JAKMIP3: variants seen among roughly 807,000 people sequenced by gnomAD.
The protein encoded by JAKMIP3 is janus kinase and microtubule-interacting protein 3.
In JAKMIP3, 58 loss-of-function variants were observed where a neutral mutation model predicts 118.5. That is an observed-to-expected ratio of 0.49 (90% confidence interval 0.40 to 0.61). The LOEUF is 0.61. Among genes scored for constraint, JAKMIP3 ranks in the 20% least tolerant of loss-of-function variants. The pLI, the probability that JAKMIP3 is intolerant of heterozygous loss-of-function variation, is 0.00. For synonymous variants in JAKMIP3, 486 were observed against 451.2 expected (o/e 1.08, Z -0.98); for missense variants, 950 against 1,109.0 (o/e 0.86, Z 2.04).
chr10:132,159,492 C>T (rs2057607694), intron 19 of JAKMIP3, among the ~76,000 whole-genome samples: 1 of 132,992 alleles, frequency 7.5e-6, no homozygotes. Context: ...CTGGAGGAGG[C>T]TCTCCCTGTG....
At chr10:132,162,262 G>A (rs916426070) in intron 19 of JAKMIP3, among the ~76,000 whole-genome samples, 1 of 152,196 alleles carries the variant, frequency 6.6e-6, no homozygotes, top group African/African-American at 2.4e-5. Context: ...TGTGGCTGCC[G>A]AAGGCAGGGA....
upstream of JAKMIP3, among the ~76,000 whole-genome samples, chr10:132,065,887 T>C (rs1452836053): frequency 6.6e-6 from 1 of 152,160 alleles, no homozygotes; most frequent in African/African-American, 2.4e-5. This position sits in a 1 kb window ranked among gnomAD's most constrained non-coding sequence, Gnocchi z 5.6. Context: ...TCCCCCTGGA[T>C]GTAGTCACAG....
chr10:132,175,033 A>C (rs557790796), intron 23 of JAKMIP3, among the ~76,000 whole-genome samples: 1 of 152,322 alleles, frequency 6.6e-6, no homozygotes, highest in Non-Finnish European at 1.5e-5. Flanking sequence ...CACCGCTGAA[A>C]AGTATTTCTT....
rs2932949 is a variant in JAKMIP3, at chr10:132,158,930, T to G, written c.2221-4279T>G. Among the ~76,000 whole-genome samples, 4 of 105,600 alleles carry G rather than the reference T, an allele frequency of 3.8e-5. 1 individual carries two copies. Among genetic ancestry groups the G allele is most frequent in the East Asian group, 3.4e-4 (1 of 2,952 alleles). The allele number at this position is 105,600 out of a possible 152,430, so 69.3% of individuals were successfully genotyped here. On this transcript the variant is annotated intron_variant, in intron 19 of 23. Coordinates refer to ENST00000684848, the MANE Select transcript of JAKMIP3 (RefSeq NM_001323087.2). ...GATGCTGTGGGAGGGGCATCTTCCT[T>G]TGTGATGCTGGGGGGGGGGACCTCT...
At chr10:132,115,737 T>G (rs1253252858) in intron 2 of JAKMIP3, among the ~76,000 whole-genome samples, 1 of 152,214 alleles carries the variant, frequency 6.6e-6, no homozygotes, top group Non-Finnish European at 1.5e-5. Context: ...AAAATGTCGT[T>G]TCTAGTAGAA....
chr10:132,147,597 C>T (rs1325857418), intron 13 of JAKMIP3, among the ~76,000 whole-genome samples: 2 of 152,122 alleles, frequency 1.3e-5, no homozygotes, highest in Non-Finnish European at 2.9e-5. Context: ...CTAAGGCCCC[C>T]GTGCTCCTGG....
Position 132,117,848 on chromosome 10 carries a change from C to T in JAKMIP3, c.633+274C>T, listed in dbSNP as rs1401925168. ...ACTCTCACCTCCCCTTTTCCACAAACACCAGCTCTACTTCCTTTCTTAACT... is the reference window on the plus strand; with the variant it reads ...ACTCTCACCTCCCCTTTTCCACAAATACCAGCTCTACTTCCTTTCTTAACT... On this transcript the variant is annotated intron_variant, in intron 3 of 23. Coordinates refer to ENST00000684848, the MANE Select transcript of JAKMIP3 (RefSeq NM_001323087.2). This position sits in a 1 kb window ranked among gnomAD's most constrained non-coding sequence, Gnocchi z 8.6. 6.6e-6 allele frequency among the ~76,000 whole-genome samples: 1 copy of T among 152,194 alleles called. No homozygotes were observed. Among genetic ancestry groups the T allele is most frequent in the East Asian group, 1.9e-4 (1 of 5,186 alleles).
chr10:132,124,309 C>T (rs1308867244), intron 3 of JAKMIP3, among the ~76,000 whole-genome samples: 1 of 151,482 alleles, frequency 6.6e-6, no homozygotes, highest in Non-Finnish European at 1.5e-5. Context: ...CACATCACAG[C>T]TGAACCAGCC....
In JAKMIP3 at chr10:132,078,573, A is replaced by C. The variant is rs370775151; in HGVS notation, c.-138+12512A>C. Among the ~76,000 whole-genome samples the C allele has an allele frequency of 7.6e-4, 111 of 145,312 alleles. 1 individual carries two copies. The highest frequency in any genetic ancestry group is 2.6e-3 in the African/African-American group (105 of 39,698). Reference sequence around the variant, plus strand: ...CAGCCCAGCATCCCATTCCCTGCGCATAACACGCCCCCTTTCCCACTGAGC... The same window carrying C: ...CAGCCCAGCATCCCATTCCCTGCGCCTAACACGCCCCCTTTCCCACTGAGC... On this transcript the variant is annotated intron_variant, in intron 1 of 23. Transcript: ENST00000684848.
intron 23 of JAKMIP3, among the ~76,000 whole-genome samples, chr10:132,172,676 C>T (rs1406822467): frequency 6.6e-6 from 1 of 151,910 alleles, no homozygotes; most frequent in Non-Finnish European, 1.5e-5. Context: ...GACGCTGCCA[C>T]GGAGCCTCCA....
rs931355214 is a variant in JAKMIP3, at chr10:132,182,709, G to A, written c.*1456G>A. On this transcript the variant is annotated 3_prime_UTR_variant, in exon 24 of 24. Transcript: ENST00000684848. The stretch of plus-strand genomic sequence containing the variant: ...ACTGGCAGCATTGTATAAAAGACAC[G>A]ACTCAGCTGCCGTAGGGAGGACTGG... 33 of 152,166 alleles carry A rather than the reference G, an allele frequency of 2.2e-4. No individual in the cohort carries two copies. The highest frequency in any genetic ancestry group is 1.3e-3 in the Admixed American group (20 of 15,276). The allele number at this position is 152,166 out of a possible 1,614,324, so 9.4% of individuals were successfully genotyped here. A position where few individuals can be genotyped will look rare whatever the true frequency, so the allele number is the denominator to read the frequency against.
Position 132,180,626 on chromosome 10 carries a change from CGTGTGTGCGT to C in JAKMIP3, c.*1104-1729_*1104-1720del, listed in dbSNP as rs1468819688. 1.4e-3 allele frequency among the ~76,000 whole-genome samples: 32 copies of C among 23,350 alleles called. 8 individuals carry two copies. The South Asian group carries it at 0.029, about 21-fold the overall frequency. The allele number at this position is 23,350 out of a possible 152,430, so 15.3% of individuals were successfully genotyped here. On this transcript the variant is annotated intron_variant, in intron 23 of 23. Coordinates refer to ENST00000684848, the MANE Select transcript of JAKMIP3 (RefSeq NM_001323087.2). ...GCGCGTGTGTGTGTGCGTGTGTGTG[CGTGTGTGCGT>C]GCGTGTGTGCGTGTGCGTGTGCGTG...
intron 21 of JAKMIP3, among the ~76,000 whole-genome samples, chr10:132,165,804 A>G (rs762961319): frequency 6.6e-6 from 1 of 152,202 alleles, no homozygotes; most frequent in Non-Finnish European, 1.5e-5. Flanking sequence ...GCCTGTGAGA[A>G]TCATCATCCT....
At chr10:132,104,518 G>A (rs1326990443) in intron 1 of JAKMIP3, among the ~76,000 whole-genome samples, 154 bp from the exon 2 acceptor site, 1 of 152,190 alleles carries the variant, frequency 6.6e-6, no homozygotes, top group South Asian at 2.1e-4. Context: ...TCTGAGGTCT[G>A]GGGCTGGTTC....
At chr10:132,061,801 C>T (rs947468504), upstream of JAKMIP3, among the ~76,000 whole-genome samples, 1 of 152,176 alleles carries the variant, frequency 6.6e-6, no homozygotes, top group Non-Finnish European at 1.5e-5. Flanking sequence ...ATGAGACATA[C>T]ATTTCTTAAG....
chr10:132,154,779 T>A (rs1003214677), intron 19 of JAKMIP3, among the ~76,000 whole-genome samples: 3 of 151,684 alleles, frequency 2.0e-5, no homozygotes, highest in African/African-American at 2.4e-5. Flanking sequence ...ATAGTGATGA[T>A]AATGGTGATG....
At chr10:132,139,186 ATGTGTGTGTATGAG>A (rs2052619678) in intron 9 of JAKMIP3, among the ~76,000 whole-genome samples, 2 of 92,682 alleles carry the variant, frequency 2.2e-5, no homozygotes, top group Non-Finnish European at 4.3e-5. Flanking sequence ...GTGTCTGTGT[ATGTGTGTGTATGAG>A]TGTGTGTGTG....
Position 132,117,099 on chromosome 10 carries a change from A to G in JAKMIP3, c.158A>G (p.Lys53Arg), listed in dbSNP as rs1322491479. The change falls in exon 3 of 24, where the codon AAG becomes AGG. Residue 53 changes from lysine (K) to arginine (R), a missense_variant. Transcript: ENST00000684848. The surrounding 1 kb of genome is among the most constrained non-coding windows in gnomAD (Gnocchi z 8.6). Reference protein sequence around the residue: ...KSKVSKVEREKNQELRQVREH... With the variant: ...KSKVSKVERERNQELRQVREH... ...CAGGTCAGCAAAGTGGAACGCGAGA[A>G]GAACCAGGAGCTGCGGCAGGTGCGC... 3 of 1,608,418 alleles carry G rather than the reference A, an allele frequency of 1.9e-6. No individual in the cohort carries two copies. The highest frequency in any genetic ancestry group is 1.3e-5 in the African/African-American group (1 of 74,944).
rs2047683149 is a variant in JAKMIP3, at chr10:132,116,490, A to G, written c.136-587A>G. 5.1e-5 allele frequency among the ~76,000 whole-genome samples: 7 copies of G among 137,480 alleles called. No homozygotes were observed. In the South Asian group the frequency reaches 1.7e-3, roughly 33 times the overall value. The allele number at this position is 137,480 out of a possible 152,430, so 90.2% of individuals were successfully genotyped here. A position where few individuals can be genotyped will look rare whatever the true frequency, so the allele number is the denominator to read the frequency against. ...GTGTGTGCAACGTGGAAGCTCCCCC[A>G]AATGCACATTCAGGTGTGAGTGTGT... On this transcript the variant is annotated intron_variant, in intron 2 of 23. Transcript: ENST00000684848.
Sources: gnomAD v4.1 joint callset for allele counts (sites outside exome capture counted in the v4.1 genomes callset) on GRCh38, gnomAD v4.1.1 for gene constraint, Gnocchi (gnomAD v3.1) non-coding constraint, MANE v1.5 for transcripts, NCBI Gene and HGNC (gene_info 2026-07-23, HGNC 2026-07-21) for gene names.